Variants in ADAMTSL3 observed in about 807,000 individuals in gnomAD.
ADAMTSL3 encodes the protein ADAMTS-like protein 3.
ADAMTSL3 carries 128 observed loss-of-function variants against 201.7 expected under a neutral mutation model. That is an observed-to-expected ratio of 0.63 (90% confidence interval 0.55 to 0.73). ADAMTSL3 has a LOEUF of 0.73. Among genes scored for constraint, ADAMTSL3 ranks in the 30% least tolerant of loss-of-function variants. The pLI is 0.00. For missense variants in ADAMTSL3, 1,990 were observed against 2,119.6 expected, an observed-to-expected ratio of 0.94 and a Z score of 1.20; for synonymous variants, 738 against 748.4, an observed-to-expected ratio of 0.99 and a Z score of 0.23.
At chr15:83,735,516 G>C (rs186996417) in intron 3 of ADAMTSL3, among the ~76,000 whole-genome samples, 215 of 152,206 alleles carry the variant, frequency 1.4e-3, no homozygotes, top group African/African-American at 5.1e-3. Context: ...CAGATTCATA[G>C]CCTGAATAAT....
At chr15:83,942,828 G>T in intron 18 of ADAMTSL3, 40 bp downstream of exon 18, 1 of 1,607,538 alleles carries the variant, frequency 6.2e-7, no homozygotes, top group South Asian at 1.1e-5. Flanking sequence ...CTGTGATTAT[G>T]ACTGTGAGAG....
At chr15:83,663,905 T>C (rs2061211509) in intron 2 of ADAMTSL3, among the ~76,000 whole-genome samples, 1 of 152,206 alleles carries the variant, frequency 6.6e-6, no homozygotes, top group East Asian at 1.9e-4. Flanking sequence ...CCTTTTTCTC[T>C]TTCTACCTCT....
Position 83,983,506 on chromosome 15 carries a change from C to T in ADAMTSL3, c.3716+162C>T, listed in dbSNP as rs976452523. On this transcript the variant is annotated intron_variant, in intron 21 of 29. Transcript: ENST00000286744. Reference sequence around the variant, plus strand: ...TGTTAAGATGTGTTTTTCACATATACGTTGGAATTTTTAAATTCAACCGCC... The same window carrying T: ...TGTTAAGATGTGTTTTTCACATATATGTTGGAATTTTTAAATTCAACCGCC... 2.0e-5 allele frequency among the ~76,000 whole-genome samples: 3 copies of T among 152,220 alleles called. No homozygotes were observed. In the East Asian group the frequency reaches 5.8e-4, roughly 29 times the overall value.
At chr15:83,763,080 G>T (rs550216149) in intron 3 of ADAMTSL3, among the ~76,000 whole-genome samples, 3 of 152,192 alleles carry the variant, frequency 2.0e-5, no homozygotes, top group African/African-American at 7.2e-5. Flanking sequence ...GTAGAGACGG[G>T]GTTTCACCGT....
chr15:83,684,243 G>T (rs563578892), intron 2 of ADAMTSL3, among the ~76,000 whole-genome samples: 1 of 152,210 alleles, frequency 6.6e-6, no homozygotes, highest in East Asian at 1.9e-4. Flanking sequence ...TTCCCAGTTT[G>T]CAAAATAAAA....
intron 3 of ADAMTSL3, among the ~76,000 whole-genome samples, chr15:83,741,016 G>C (rs2062446136): frequency 6.6e-6 from 1 of 152,000 alleles, no homozygotes; most frequent in Admixed American, 6.6e-5. Context: ...AAGCATTCAA[G>C]AGGACATGTA....
At chr15:83,836,866 T>C (rs893381633) in intron 6 of ADAMTSL3, among the ~76,000 whole-genome samples, 1 of 152,210 alleles carries the variant, frequency 6.6e-6, no homozygotes, top group Non-Finnish European at 1.5e-5. Context: ...GTGGGTGTTT[T>C]CTTCCTCCAA....
chr15:83,660,335 C>T (rs549708304), intron 2 of ADAMTSL3, among the ~76,000 whole-genome samples: 1 of 152,300 alleles, frequency 6.6e-6, no homozygotes, highest in East Asian at 1.9e-4. Context: ...TCATGTCAAT[C>T]ATGGGCAGTG....
chr15:83,754,961 A>T (rs1035680370), intron 3 of ADAMTSL3, among the ~76,000 whole-genome samples: 2 of 152,290 alleles, frequency 1.3e-5, no homozygotes, highest in South Asian at 4.1e-4. Flanking sequence ...CACCTTCCAG[A>T]TTTATATTGG....
chr15:84,006,268 A>G (rs778811413), intron 23 of ADAMTSL3, among the ~76,000 whole-genome samples: 1 of 152,242 alleles, frequency 6.6e-6, no homozygotes, highest in African/African-American at 2.4e-5. Flanking sequence ...GATTCCCCAG[A>G]GATAACTGAT....
intron 5 of ADAMTSL3, among the ~76,000 whole-genome samples, chr15:83,819,396 ACCTTGAAT>A (rs768564612): frequency 1.4e-4 from 21 of 152,140 alleles, no homozygotes; most frequent in Non-Finnish European, 2.4e-4. Context: ...TTTGATGAAG[ACCTTGAAT>A]CCTTGAATCA....
chr15:83,922,033 T>C (rs2066155512), intron 16 of ADAMTSL3, among the ~76,000 whole-genome samples: 1 of 152,214 alleles, frequency 6.6e-6, no homozygotes, highest in African/African-American at 2.4e-5. Flanking sequence ...GTTTCAACAC[T>C]TGATGTATTA....
intron 14 of ADAMTSL3, 105 bp downstream of exon 14, chr15:83,898,110 G>A: frequency 2.2e-6 from 3 of 1,342,132 alleles, no homozygotes; most frequent in Non-Finnish European, 3.0e-6. Context: ...TATAAAAATT[G>A]TTTTATTGAC....
At chr15:83,897,780 C>G in intron 13 of ADAMTSL3, 78 bp from the exon 14 acceptor site, 3 of 1,455,450 alleles carry the variant, frequency 2.1e-6, no homozygotes, top group Non-Finnish European at 2.8e-6. Flanking sequence ...TTCAATGGCT[C>G]TCCTTTGCAT....
intron 7 of ADAMTSL3, among the ~76,000 whole-genome samples, chr15:83,848,190 TAAAC>T (rs1033456213): frequency 8.6e-5 from 13 of 151,666 alleles, no homozygotes; most frequent in African/African-American, 2.7e-4. Flanking sequence ...AATAAAAAAA[TAAAC>T]AAAACAAAAA....
intron 3 of ADAMTSL3, among the ~76,000 whole-genome samples, chr15:83,764,606 G>GC (rs1434685693): frequency 6.6e-6 from 1 of 152,012 alleles, no homozygotes; most frequent in Non-Finnish European, 1.5e-5. Flanking sequence ...CTCTCAGGCA[G>GC]CCCTGTATAC....
intron 3 of ADAMTSL3, among the ~76,000 whole-genome samples, chr15:83,712,511 C>A (rs1038998482): frequency 1.3e-5 from 2 of 152,192 alleles, no homozygotes; most frequent in Non-Finnish European, 2.9e-5. Flanking sequence ...CAGTGCTCCT[C>A]TTTTTTGGAG....
At chr15:83,963,822 A>G (rs952930694) in intron 19 of ADAMTSL3, among the ~76,000 whole-genome samples, 1 of 152,174 alleles carries the variant, frequency 6.6e-6, no homozygotes, top group African/African-American at 2.4e-5. Context: ...ACAGGCAGCA[A>G]TCTTTGCTGT....
intron 19 of ADAMTSL3, among the ~76,000 whole-genome samples, chr15:83,965,406 T>G (rs2067063339): frequency 1.3e-5 from 2 of 150,268 alleles, no homozygotes; most frequent in African/African-American, 4.9e-5. Context: ...AAAACAGACT[T>G]TAAACCAACA....
Sources: gnomAD v4.1 joint callset for allele counts (sites outside exome capture counted in the v4.1 genomes callset) on GRCh38, gnomAD v4.1.1 for gene constraint, MANE v1.5 for transcripts, NCBI Gene and HGNC (gene_info 2026-07-23, HGNC 2026-07-21) for gene names.